ITFG1: variants seen among roughly 807,000 people sequenced by gnomAD.
ITFG1 encodes integrin alpha FG-GAP repeat containing 1, also known as T-cell immunomodulatory protein.
ITFG1 carries 34 observed loss-of-function variants against 81.8 expected under a neutral mutation model. That is an observed-to-expected ratio of 0.42 (90% CI 0.32 to 0.55). The LOEUF (loss-of-function observed/expected upper bound fraction) is 0.55, where lower values mean the gene tolerates loss of function less well. Among genes scored for constraint, ITFG1 ranks in the 20% least tolerant of loss-of-function variants. The pLI, the probability that ITFG1 is intolerant of heterozygous loss-of-function variation, is 0.17. For missense variants in ITFG1, 672 were observed against 755.4 expected (o/e 0.89, Z 1.29); for synonymous variants, 285 against 270.6 (o/e 1.05, Z -0.52).
chr16:47,161,160 A>C (rs1964798606), intron 16 of ITFG1, among the ~76,000 whole-genome samples: 1 of 152,252 alleles, frequency 6.6e-6, no homozygotes, highest in Non-Finnish European at 1.5e-5. Flanking sequence ...TTAAAGTTAA[A>C]TGCTGTATTA....
intron 8 of ITFG1, among the ~76,000 whole-genome samples, chr16:47,353,001 T>A (rs1011228264): frequency 6.6e-6 from 1 of 151,710 alleles, no homozygotes; most frequent in African/African-American, 2.4e-5. Flanking sequence ...TAGGTGGGAA[T>A]TGAACAATGA....
chr16:47,173,847 C>T (rs981798761), intron 14 of ITFG1, among the ~76,000 whole-genome samples: 20 of 152,272 alleles, frequency 1.3e-4, no homozygotes, highest in African/African-American at 4.6e-4. Context: ...TCGAGACCAG[C>T]CTGACCAACA....
chr16:47,316,813 A>T (rs2151566825), intron 8 of ITFG1, among the ~76,000 whole-genome samples: 1 of 152,324 alleles, frequency 6.6e-6, no homozygotes, highest in South Asian at 2.1e-4. Context: ...CAAGGCTAGG[A>T]GCTAGAATTA....
At chr16:47,391,740 G>A (rs190444506) in intron 6 of ITFG1, among the ~76,000 whole-genome samples, 1 of 152,274 alleles carries the variant, frequency 6.6e-6, no homozygotes, top group East Asian at 1.9e-4. Flanking sequence ...CATCTTGTTA[G>A]ATTACTGAAG....
At chr16:47,432,252 C>A (rs893134833) in intron 5 of ITFG1, among the ~76,000 whole-genome samples, 1 of 152,194 alleles carries the variant, frequency 6.6e-6, no homozygotes, top group South Asian at 2.1e-4. Flanking sequence ...TATGAAACCA[C>A]AGATATGTCA....
At position 47,430,922 on chromosome 16, in the gene ITFG1, G is replaced by A. The variant is rs539185448; in HGVS notation, c.561-2024C>T. ...AATAGCCCACAAGTGGAAATAACAC[G>A]AATTCCCATCAGTGGATAAATGGAT... On this transcript the variant is annotated intron_variant, in intron 5 of 17. Coordinates refer to ENST00000320640, the MANE Select transcript of ITFG1 (RefSeq NM_030790.5). Among the ~76,000 whole-genome samples, 68 of 152,240 alleles carry A rather than the reference G, an allele frequency of 4.5e-4. 1 individual carries two copies. Among genetic ancestry groups the A allele is most frequent in the African/African-American group, 1.6e-3 (68 of 41,552 alleles).
At chr16:47,335,460 A>G (rs1967692420) in intron 8 of ITFG1, among the ~76,000 whole-genome samples, 1 of 152,224 alleles carries the variant, frequency 6.6e-6, no homozygotes, top group African/African-American at 2.4e-5. Context: ...GTGGAGAATA[A>G]AAGAATTGCA....
intron 7 of ITFG1, among the ~76,000 whole-genome samples, chr16:47,372,079 A>T (rs1265785878): frequency 6.6e-6 from 1 of 151,648 alleles, no homozygotes; most frequent in Non-Finnish European, 1.5e-5. Context: ...CACCCAGCTA[A>T]TTTTCTGTAT....
chr16:47,187,418 A>C (rs1435136922), intron 14 of ITFG1, among the ~76,000 whole-genome samples: 3 of 152,122 alleles, frequency 2.0e-5, no homozygotes, highest in Admixed American at 6.5e-5. Flanking sequence ...ACAGAGATAT[A>C]GATCAATGGA....
intron 12 of ITFG1, among the ~76,000 whole-genome samples, chr16:47,249,628 CTGG>C (rs1361398643): frequency 8.5e-5 from 13 of 152,060 alleles, no homozygotes; most frequent in Non-Finnish European, 1.8e-4. Context: ...ATGTGAAATA[CTGG>C]TTATTAGGAG....
chr16:47,318,088 A>G lies in ITFG1; in HGVS notation c.803-4265T>C, dbSNP rs551154989. On this transcript the variant is annotated intron_variant, in intron 8 of 17. Coordinates refer to ENST00000320640, the MANE Select transcript of ITFG1 (RefSeq NM_030790.5). The stretch of plus-strand genomic sequence containing the variant: ...TAACCTAGCTTAGCTGCTAATAATG[A>G]GTAATCAGGCACGCAATCTTAAGAA... Among the ~76,000 whole-genome samples, 13 of 152,282 alleles carry G rather than the reference A, an allele frequency of 8.5e-5. No homozygotes were observed. In the South Asian group the frequency reaches 2.7e-3, roughly 32 times the overall value.
At chr16:47,310,807 A>G (rs770778088) in intron 10 of ITFG1, among the ~76,000 whole-genome samples, 89 of 152,206 alleles carry the variant, frequency 5.8e-4, no homozygotes, top group Admixed American at 3.1e-3. Context: ...CAATTATTAC[A>G]CTTATTTCAC....
chr16:47,210,332 G>A (rs1344658528), intron 14 of ITFG1, among the ~76,000 whole-genome samples: 1 of 152,034 alleles, frequency 6.6e-6, no homozygotes, highest in Non-Finnish European at 1.5e-5. Flanking sequence ...TGCTACCTAT[G>A]TATCTTCTTC....
chr16:47,309,073 T>TA (rs1486341616), intron 10 of ITFG1, among the ~76,000 whole-genome samples: 2 of 150,338 alleles, frequency 1.3e-5, no homozygotes, highest in Non-Finnish European at 3.0e-5. Context: ...AACTTCTTTT[T>TA]TTTTTTTTTT....
At chr16:47,417,060 C>A (rs927191327) in intron 6 of ITFG1, among the ~76,000 whole-genome samples, 1 of 152,168 alleles carries the variant, frequency 6.6e-6, no homozygotes, top group Non-Finnish European at 1.5e-5. Context: ...GTCAGCTACT[C>A]CCAGTAAACT....
intron 6 of ITFG1, among the ~76,000 whole-genome samples, chr16:47,391,337 A>G (rs1207408231): frequency 6.6e-6 from 1 of 152,222 alleles, no homozygotes; most frequent in African/African-American, 2.4e-5. Flanking sequence ...ATATTTTCAC[A>G]GAATTGAAGT....
intron 8 of ITFG1, among the ~76,000 whole-genome samples, chr16:47,323,969 T>C (rs905440071): frequency 5.3e-5 from 8 of 152,212 alleles, no homozygotes; most frequent in Non-Finnish European, 1.2e-4. Context: ...ATATGAAGTA[T>C]TAAATGTGCT....
At chr16:47,185,375 A>C (rs1359374072) in intron 14 of ITFG1, among the ~76,000 whole-genome samples, 7 of 151,600 alleles carry the variant, frequency 4.6e-5, no homozygotes. Flanking sequence ...ACATACTTGG[A>C]AGTAAATGTA....
intron 2 of ITFG1, among the ~76,000 whole-genome samples, chr16:47,457,160 A>C (rs1434944053): frequency 6.6e-6 from 1 of 151,996 alleles, no homozygotes; most frequent in Non-Finnish European, 1.5e-5. Context: ...AAATACAAAA[A>C]ATTAGCTAGG....
Sources: allele counts gnomAD v4.1 joint callset (sites outside exome capture counted in the v4.1 genomes callset), GRCh38; gene constraint gnomAD v4.1.1; transcripts MANE v1.5; gene names NCBI Gene and HGNC (gene_info 2026-07-23, HGNC 2026-07-21).